The following RALGAPB variants were observed in gnomAD, a reference collection of about 807,000 sequenced individuals.
RALGAPB encodes ral GTPase-activating protein subunit beta.
In RALGAPB, 25 loss-of-function variants were observed where a neutral mutation model predicts 161.1. The ratio of observed to expected loss-of-function variants is 0.16; its 90% CI spans 0.11 to 0.22. RALGAPB has a LOEUF of 0.22. Ranked by LOEUF, RALGAPB falls within the 10% of genes least tolerant of loss-of-function variation. The pLI is 1.00. For missense variants in RALGAPB, 1,391 were observed against 1,815.2 expected, an observed-to-expected ratio of 0.77 and a Z score of 4.25; for synonymous variants, 629 against 626.1, an observed-to-expected ratio of 1.00 and a Z score of -0.07.
At chr20:38,571,135 C>G (rs1185082683) in intron 28 of RALGAPB, among the ~76,000 whole-genome samples, 1 of 152,026 alleles carries the variant, frequency 6.6e-6, no homozygotes, top group East Asian at 1.9e-4. Context: ...TGCATGAAAC[C>G]ATCACAGCAA....
At chr20:38,485,964 A>ATT (rs1413175711) in intron 1 of RALGAPB, among the ~76,000 whole-genome samples, 1 of 74,144 alleles carries the variant, frequency 1.3e-5, no homozygotes, top group Non-Finnish European at 2.5e-5. Flanking sequence ...TCCTTTCTAT[A>ATT]TCTTTTTTTT....
At chr20:38,545,140 T>A (rs1245717287) in intron 18 of RALGAPB, among the ~76,000 whole-genome samples, 1 of 152,192 alleles carries the variant, frequency 6.6e-6, no homozygotes, top group Non-Finnish European at 1.5e-5. Flanking sequence ...GTGTTCTAAA[T>A]ACCTTGATAA....
At chr20:38,572,702 C>T (rs2088284477) in intron 28 of RALGAPB, among the ~76,000 whole-genome samples, 1 of 152,136 alleles carries the variant, frequency 6.6e-6, no homozygotes, top group South Asian at 2.1e-4. Context: ...GTTTTATATG[C>T]TTTGGTGTTT....
chr20:38,491,823 A>C (rs563093023), intron 2 of RALGAPB, among the ~76,000 whole-genome samples: 1 of 152,346 alleles, frequency 6.6e-6, no homozygotes, highest in Admixed American at 6.5e-5. Flanking sequence ...TCTAAATAGT[A>C]ACCCTATTAA....
At chr20:38,531,360 G>T in intron 14 of RALGAPB, 129 bp downstream of exon 14, 1 of 753,036 alleles carries the variant, frequency 1.3e-6, no homozygotes. Flanking sequence ...TGGCTCAGAA[G>T]TTTTCTTTTT....
At chr20:38,497,323 T>C (rs755639142) in intron 3 of RALGAPB, 30 bp from the exon 4 acceptor site, 157 of 1,605,828 alleles carry the variant, frequency 9.8e-5, no homozygotes, top group Non-Finnish European at 1.3e-4. Context: ...TCCTCCAGGC[T>C]TGTCAGTGAT....
intron 18 of RALGAPB, among the ~76,000 whole-genome samples, chr20:38,543,086 C>T (rs187731826): frequency 6.6e-6 from 1 of 152,288 alleles, no homozygotes; most frequent in African/African-American, 2.4e-5. Context: ...TTCTTCTCAA[C>T]CTCACCAGTA....
chr20:38,544,559 C>G (rs759378267), intron 18 of RALGAPB, among the ~76,000 whole-genome samples: 3 of 152,148 alleles, frequency 2.0e-5, no homozygotes, highest in Non-Finnish European at 4.4e-5. Flanking sequence ...CTGCCGCCTC[C>G]CAGAGTCAAG....
chr20:38,492,805 T>C, intron 2 of RALGAPB, 125 bp from the exon 3 acceptor site: 2 of 715,768 alleles, frequency 2.8e-6, no homozygotes, highest in Non-Finnish European at 4.7e-6. Context: ...AAATCTGATA[T>C]TTACGTTGAG....
intron 27 of RALGAPB, among the ~76,000 whole-genome samples, chr20:38,570,215 C>T (rs6064720): frequency 0.11 from 17,119 of 152,064 alleles, 2,626 homozygotes; most frequent in African/African-American, 0.35. Context: ...TGTGAAGATT[C>T]GATGAGACCA....
chr20:38,557,454 T>A (rs2087624992), intron 22 of RALGAPB, among the ~76,000 whole-genome samples: 1 of 152,206 alleles, frequency 6.6e-6, no homozygotes, highest in Non-Finnish European at 1.5e-5. Flanking sequence ...GTGTCTACCA[T>A]CAGTTGTACA....
At chr20:38,516,996 A>G (rs755009719) in intron 7 of RALGAPB, among the ~76,000 whole-genome samples, 6 of 152,196 alleles carry the variant, frequency 3.9e-5, no homozygotes, top group Non-Finnish European at 7.4e-5. Context: ...CAAAAATCCT[A>G]TTGTAAACAA....
chr20:38,514,175 T>C (rs1301855762), intron 6 of RALGAPB, among the ~76,000 whole-genome samples: 1 of 152,190 alleles, frequency 6.6e-6, no homozygotes, highest in Admixed American at 6.5e-5. Flanking sequence ...CTTTCTCATG[T>C]TGGGGAGGGA....
chr20:38,552,714 C>T (rs1015933703), intron 21 of RALGAPB, among the ~76,000 whole-genome samples: 1 of 152,090 alleles, frequency 6.6e-6, no homozygotes, highest in African/African-American at 2.4e-5. Context: ...AATTTTAATC[C>T]TGGTTCTTGG....
rs2088171655 is a variant in RALGAPB, at chr20:38,569,992, T to A, written c.4059T>A (p.Asp1353Glu). ...VSVVWVERYD[D>E]IENFPLSELM... is the part of the protein sequence containing the mutation. ...TAGTCTGGGTGGAACGCTATGATGA[T>A]ATAGGTACTGTATGAGGACTTTGTC... The change falls in exon 27 of 30, where the codon GAT becomes GAA. Residue 1353 changes from aspartate (D) to glutamate (E), a missense_variant. Coordinates refer to ENST00000262879, the MANE Select transcript of RALGAPB (RefSeq NM_020336.4). 3.1e-6 allele frequency: 5 copies of A among 1,607,948 alleles called. No homozygotes were observed. The highest frequency in any genetic ancestry group is 3.4e-6 in the Non-Finnish European group (4 of 1,174,682).
At chr20:38,549,546 A>AT (rs1336681420) in intron 20 of RALGAPB, among the ~76,000 whole-genome samples, 2,243 of 122,886 alleles carry the variant, frequency 0.018, 26 homozygotes, top group Middle Eastern at 0.031. Context: ...AAAAAAAAAA[A>AT]AAAATATATA....
At chr20:38,500,410 A>G (rs973205331) in intron 5 of RALGAPB, among the ~76,000 whole-genome samples, 1 of 152,136 alleles carries the variant, frequency 6.6e-6, no homozygotes, top group Non-Finnish European at 1.5e-5. Context: ...AGTGATCTTT[A>G]ATATTACCAT....
chr20:38,533,736 C>T (rs754840805), intron 15 of RALGAPB, among the ~76,000 whole-genome samples: 1 of 152,074 alleles, frequency 6.6e-6, no homozygotes, highest in Non-Finnish European at 1.5e-5. Context: ...ATATTATATT[C>T]GTGAAGAAGT....
intron 1 of RALGAPB, among the ~76,000 whole-genome samples, chr20:38,474,281 C>CCTTTT (rs1294885315): frequency 1.3e-5 from 2 of 151,932 alleles, no homozygotes; most frequent in Non-Finnish European, 2.9e-5. Flanking sequence ...ATATACACAC[C>CCTTTT]CTTTTCTTTT....
Sources: allele counts gnomAD v4.1 joint callset (sites outside exome capture counted in the v4.1 genomes callset), GRCh38; gene constraint gnomAD v4.1.1; transcripts MANE v1.5; gene names NCBI Gene and HGNC (gene_info 2026-07-23, HGNC 2026-07-21).